The following SLC39A12 variants were observed in gnomAD, a reference collection of about 807,000 sequenced individuals.
The protein encoded by SLC39A12 is solute carrier family 39 member 12, also known as zinc transporter ZIP12.
In SLC39A12, 63 loss-of-function variants were observed where a neutral mutation model predicts 71.1. The observed-to-expected ratio is 0.89, with a 90% CI of 0.72 to 1.09. The LOEUF is 1.09. Ranked by LOEUF, SLC39A12 falls within the 50% of genes least tolerant of loss-of-function variation. The probability of loss-of-function intolerance (pLI) is 0.00; values close to 1 mark genes in which losing one functional copy is unlikely to be tolerated. For synonymous variants in SLC39A12, 351 were observed against 301.3 expected (o/e 1.16, Z -1.71); for missense variants, 892 against 812.6 (o/e 1.10, Z -1.19).
chr10:18,000,782 C>G lies in SLC39A12; in HGVS notation c.1716C>G (p.Thr572=), dbSNP rs1835812070. 1 of 1,614,118 alleles carries G rather than the reference C, an allele frequency of 6.2e-7. No homozygotes were observed. Among genetic ancestry groups the G allele is most frequent in the African/African-American group, 1.3e-5 (1 of 75,028 alleles). Residue 572 remains threonine (T), a synonymous_variant, in exon 11 of 13, where the codon ACC becomes ACG. Transcript: ENST00000377369. ...CATCATCATCCGAGTCAGGAGTGAC[C>G]ACTACGATTGCTATCTTGTGTCATG... ...AFSSSSESGV[T]TTIAILCHEI... is the part of the protein sequence containing the mutation.
At chr10:18,012,231 A>C (rs985583687) in intron 12 of SLC39A12, among the ~76,000 whole-genome samples, 11 of 152,336 alleles carry the variant, frequency 7.2e-5, no homozygotes, top group African/African-American at 2.4e-4. Flanking sequence ...AACCAAAAAA[A>C]TGAATTCCAT....
intron 12 of SLC39A12, among the ~76,000 whole-genome samples, chr10:18,008,062 G>A (rs1836082977): frequency 6.6e-6 from 1 of 152,122 alleles, no homozygotes; most frequent in African/African-American, 2.4e-5. Flanking sequence ...CACTAATATA[G>A]GGAGCCCCAA....
intron 11 of SLC39A12, among the ~76,000 whole-genome samples, 186 bp downstream of exon 11, chr10:18,001,011 C>G (rs2130842727): frequency 6.6e-6 from 1 of 152,278 alleles, no homozygotes; most frequent in African/African-American, 2.4e-5. Context: ...GGAATAAAAT[C>G]CAGTTAAACT....
At chr10:17,999,294 C>CAG (rs1835768286) in intron 10 of SLC39A12, among the ~76,000 whole-genome samples, 1 of 70,376 alleles carries the variant, frequency 1.4e-5, no homozygotes, top group Admixed American at 1.9e-4. Context: ...GACTCCATCT[C>CAG]AAAAAAAAAA....
At chr10:17,952,746 C>T (rs538738018) in intron 1 of SLC39A12, among the ~76,000 whole-genome samples, 2 of 152,182 alleles carry the variant, frequency 1.3e-5, no homozygotes, top group Non-Finnish European at 2.9e-5. Flanking sequence ...TTCAGCCTCC[C>T]AAAGTGCTGG....
At chr10:17,981,216 T>C in intron 5 of SLC39A12, 96 bp from the exon 6 acceptor site, 1 of 1,100,876 alleles carries the variant, frequency 9.1e-7, no homozygotes, top group Non-Finnish European at 1.3e-6. Flanking sequence ...GTTCTCGCTA[T>C]TCCATCTAGA....
chr10:18,025,856 T>C (rs1247177376), intron 12 of SLC39A12, among the ~76,000 whole-genome samples: 1 of 152,224 alleles, frequency 6.6e-6, no homozygotes, highest in Non-Finnish European at 1.5e-5. Context: ...TAAATCATGC[T>C]GCTTTTAAAA....
chr10:17,966,732 G>T (rs1489413710), intron 4 of SLC39A12, among the ~76,000 whole-genome samples: 1 of 152,070 alleles, frequency 6.6e-6, no homozygotes, highest in Admixed American at 6.5e-5. Flanking sequence ...CACTTTGGGA[G>T]GCTGAGGCGG....
In SLC39A12 at chr10:17,965,575, C is replaced by T; in HGVS notation, c.636C>T (p.Ile212=). 1 of 1,614,180 alleles carries T rather than the reference C, an allele frequency of 6.2e-7. No homozygotes were observed. Among genetic ancestry groups the T allele is most frequent in the Non-Finnish European group, 8.5e-7 (1 of 1,180,016 alleles). Residue 212 remains isoleucine, a synonymous_variant, in exon 4 of 13, where the codon ATC becomes ATT. Transcript: ENST00000377369. The part of the protein sequence containing the change: ...ESTLPQLAAM[I]ITLSLQGVCL... ...CGCTTCCTCAGTTGGCAGCCATGAT[C>T]ATTACTTTGTCCCTCCAGGGTGTTT...
chr10:18,005,361 C>T (rs1311812041), intron 12 of SLC39A12: 1 of 152,188 alleles, frequency 6.6e-6, no homozygotes, highest in African/African-American at 2.4e-5. Context: ...CACAGTCACT[C>T]ACCATTTAAT....
intron 2 of SLC39A12, among the ~76,000 whole-genome samples, chr10:17,955,087 C>A (rs1554847621): frequency 6.6e-6 from 1 of 152,164 alleles, no homozygotes; most frequent in Non-Finnish European, 1.5e-5. Context: ...TGAGGATTCG[C>A]TTCAGGGGAA....
chr10:18,032,771 A>G (rs1198425697), intron 12 of SLC39A12, among the ~76,000 whole-genome samples: 1 of 151,856 alleles, frequency 6.6e-6, no homozygotes, highest in African/African-American at 2.4e-5. Context: ...ATTCAATATG[A>G]TATTGGCTGT....
intron 6 of SLC39A12, among the ~76,000 whole-genome samples, chr10:17,984,766 G>A (rs936866397): frequency 2.6e-5 from 4 of 152,154 alleles, no homozygotes; most frequent in Non-Finnish European, 4.4e-5. Flanking sequence ...TCACATTGTT[G>A]TGCAATAGAT....
At chr10:18,036,454 C>G (rs982909738) in intron 12 of SLC39A12, among the ~76,000 whole-genome samples, 6 of 152,026 alleles carry the variant, frequency 3.9e-5, no homozygotes, top group Admixed American at 3.9e-4. Flanking sequence ...GGAAAGGGAA[C>G]TCCCTGACCC....
At chr10:18,026,870 A>G (rs550787135) in intron 12 of SLC39A12, among the ~76,000 whole-genome samples, 2 of 151,254 alleles carry the variant, frequency 1.3e-5, no homozygotes, top group East Asian at 3.9e-4. Context: ...TTTATTTTTT[A>G]TTTTTCTTAT....
At chr10:18,012,444 T>C (rs1250749523) in intron 12 of SLC39A12, among the ~76,000 whole-genome samples, 2 of 152,192 alleles carry the variant, frequency 1.3e-5, no homozygotes, top group African/African-American at 2.4e-5. Flanking sequence ...TCTGTGCATA[T>C]GTAACCATCT....
chr10:18,017,968 A>C (rs1279998299), intron 12 of SLC39A12, among the ~76,000 whole-genome samples: 1 of 152,198 alleles, frequency 6.6e-6, no homozygotes, highest in East Asian at 1.9e-4. Context: ...TATACATCAA[A>C]TTGGAAATAA....
At chr10:18,018,279 T>A (rs1013600044) in intron 12 of SLC39A12, among the ~76,000 whole-genome samples, 7 of 152,206 alleles carry the variant, frequency 4.6e-5, no homozygotes, top group African/African-American at 1.2e-4. Context: ...AGGAGCTTTT[T>A]TATTGAATCT....
chr10:18,036,779 TATATA>T (rs1837050716), intron 12 of SLC39A12, among the ~76,000 whole-genome samples: 13 of 16,572 alleles, frequency 7.8e-4, no homozygotes, highest in African/African-American at 2.2e-3. Context: ...TATATATATA[TATATA>T]TATATATATA....
Sources: gnomAD v4.1 joint callset for allele counts (sites outside exome capture counted in the v4.1 genomes callset) on GRCh38, gnomAD v4.1.1 for gene constraint, MANE v1.5 for transcripts, NCBI Gene and HGNC (gene_info 2026-07-23, HGNC 2026-07-21) for gene names.